The following HEPH variants were observed in gnomAD, a reference collection of about 807,000 sequenced individuals.
The protein encoded by HEPH is hephaestin.
A neutral mutation model predicts 80.8 loss-of-function variants in HEPH; 69 were observed. The ratio of observed to expected loss-of-function variants is 0.85; its 90% CI spans 0.70 to 1.04. The LOEUF (loss-of-function observed/expected upper bound fraction) is 1.04. HEPH is among the 50% of genes least tolerant of loss of function. The pLI is 0.00. For missense variants in HEPH, 1,115 were observed against 891.3 expected (o/e 1.25, Z -3.20); for synonymous variants, 431 against 322.8 (o/e 1.34, Z -3.60).
At chrX:66,169,260 G>A (rs912681778) in intron 1 of HEPH, among the ~76,000 whole-genome samples, 16 of 111,892 alleles carry the variant, frequency 1.4e-4, no homozygotes, top group Non-Finnish European at 2.6e-4. Flanking sequence ...ATGCACATAC[G>A]ATAAATATAG....
At chrX:66,224,901 C>G (rs2089813988) in intron 15 of HEPH, among the ~76,000 whole-genome samples, 1 of 109,447 alleles carries the variant, frequency 9.1e-6, no homozygotes, top group African/African-American at 3.3e-5. Context: ...CCTTTTACCT[C>G]TGTCTCTTTC....
At chrX:66,217,999 T>C (rs1244756765) in intron 15 of HEPH, among the ~76,000 whole-genome samples, 1 of 111,369 alleles carries the variant, frequency 9.0e-6, no homozygotes, top group East Asian at 2.8e-4. Context: ...ATAACAATCT[T>C]AAATATATAT....
rs186263665 is a variant in HEPH, at chrX:66,210,963, C to T, written c.2563+2717C>T. On this transcript the variant is annotated intron_variant, in intron 15 of 20. Coordinates refer to ENST00000343002, the MANE Select transcript of HEPH (RefSeq NM_001367233.3). Reference sequence around the variant, plus strand: ...TTTTTGAAAATCTTAATATGAGATGCCATAAAACATCGAGGTGGAAATGAG... The same window carrying T: ...TTTTTGAAAATCTTAATATGAGATGTCATAAAACATCGAGGTGGAAATGAG... 2.3e-4 allele frequency among the ~76,000 whole-genome samples: 26 copies of T among 110,735 alleles called. 1 individual carries two copies. Among genetic ancestry groups the T allele is most frequent in the Admixed American group, 2.0e-3 (21 of 10,361 alleles).
At chrX:66,242,073 G>GA (rs748372748) in intron 15 of HEPH, among the ~76,000 whole-genome samples, 3,054 of 92,325 alleles carry the variant, frequency 0.033, 45 homozygotes, top group East Asian at 0.13. Flanking sequence ...ATCCTAAGCA[G>GA]AAAAAAAAAA....
intron 4 of HEPH, among the ~76,000 whole-genome samples, chrX:66,180,030 C>CTGCATTTT (rs1393445282): frequency 1.8e-5 from 2 of 111,321 alleles, no homozygotes; most frequent in Non-Finnish European, 3.8e-5. Flanking sequence ...CTTTTCCATT[C>CTGCATTTT]TGCATTTTTG....
At chrX:66,209,491 G>A (rs1389875662) in intron 15 of HEPH, among the ~76,000 whole-genome samples, 2 of 112,031 alleles carry the variant, frequency 1.8e-5, no homozygotes, top group African/African-American at 6.5e-5. Flanking sequence ...TGAAAAAAGG[G>A]ACATATGGGT....
At chrX:66,196,047 A>AT (rs2088073636) in intron 9 of HEPH, among the ~76,000 whole-genome samples, 1 of 111,880 alleles carries the variant, frequency 8.9e-6, no homozygotes, top group Non-Finnish European at 1.9e-5. Flanking sequence ...GATTAGAGAC[A>AT]TAACAAATGA....
chrX:66,229,861 G>C (rs1056532319), intron 15 of HEPH, among the ~76,000 whole-genome samples: 4 of 108,423 alleles, frequency 3.7e-5, no homozygotes, highest in Non-Finnish European at 5.7e-5. Context: ...TGCCATGCTG[G>C]TGCGCTGCAC....
At chrX:66,215,292 G>C (rs1191304739) in intron 15 of HEPH, among the ~76,000 whole-genome samples, 1 of 110,652 alleles carries the variant, frequency 9.0e-6, no homozygotes, top group Non-Finnish European at 1.9e-5. Context: ...GTATCTAGTA[G>C]TCTTCTTGAA....
intron 13 of HEPH, among the ~76,000 whole-genome samples, chrX:66,203,906 C>G (rs1209215565): frequency 8.9e-6 from 1 of 112,537 alleles, no homozygotes; most frequent in Non-Finnish European, 1.9e-5. Context: ...TGTCCCTTGA[C>G]AAAATGGCAT....
At chrX:66,258,757 A>G in intron 17 of HEPH, 83 bp from the exon 18 acceptor site, 1 of 801,316 alleles carries the variant, frequency 1.2e-6, no homozygotes, top group Non-Finnish European at 1.7e-6. Context: ...GATTAGGCCT[A>G]GGATAGTGGA....
At chrX:66,214,475 A>G (rs2089295793) in intron 15 of HEPH, among the ~76,000 whole-genome samples, 1 of 111,384 alleles carries the variant, frequency 9.0e-6, no homozygotes, top group African/African-American at 3.3e-5. Context: ...TTGTGATATC[A>G]TTTGTTGAAC....
chrX:66,250,633 G>C (rs1057462864), intron 15 of HEPH, among the ~76,000 whole-genome samples: 2 of 110,983 alleles, frequency 1.8e-5, no homozygotes, highest in Non-Finnish European at 3.8e-5. Context: ...ACATATAAAT[G>C]GAATATATTT....
intron 4 of HEPH, among the ~76,000 whole-genome samples, chrX:66,187,904 C>G (rs1230183099): frequency 8.9e-6 from 1 of 111,947 alleles, no homozygotes; most frequent in Non-Finnish European, 1.9e-5. Flanking sequence ...TTTTTTCTTG[C>G]TTCACTTTTA....
intron 15 of HEPH, among the ~76,000 whole-genome samples, chrX:66,232,172 C>A (rs1387928809): frequency 9.0e-6 from 1 of 110,987 alleles, no homozygotes; most frequent in Non-Finnish European, 1.9e-5. Flanking sequence ...CTGCTGGATT[C>A]CGTTTGCCAG....
chrX:66,203,233 A>T (rs1190276971), intron 12 of HEPH, 131 bp from the exon 13 acceptor site: 1 of 503,440 alleles, frequency 2.0e-6, no homozygotes. Context: ...TGTGTAGTTA[A>T]GGCAAGAGCC....
At chrX:66,210,999 G>T (rs1195049078) in intron 15 of HEPH, among the ~76,000 whole-genome samples, 1 of 111,314 alleles carries the variant, frequency 9.0e-6, no homozygotes, top group Non-Finnish European at 1.9e-5. Context: ...AGAGCTGTAC[G>T]GATAGAAGAT....
chrX:66,260,723 A>G (rs763708486), intron 19 of HEPH, among the ~76,000 whole-genome samples: 1 of 111,658 alleles, frequency 9.0e-6, no homozygotes, highest in African/African-American at 3.3e-5. Flanking sequence ...CACCCATTAA[A>G]TTGATTTGTT....
At chrX:66,178,660 C>T (rs1460770530) in intron 4 of HEPH, among the ~76,000 whole-genome samples, 6 of 111,996 alleles carry the variant, frequency 5.4e-5, no homozygotes. Flanking sequence ...GATGGTATCT[C>T]ATTGTGGTTT....
Sources: allele counts gnomAD v4.1 joint callset (sites outside exome capture counted in the v4.1 genomes callset), GRCh38; gene constraint gnomAD v4.1.1; transcripts MANE v1.5; gene names NCBI Gene and HGNC (gene_info 2026-07-23, HGNC 2026-07-21).